The following PLXNA3 variants were observed in gnomAD, a reference collection of about 807,000 sequenced individuals.
PLXNA3 encodes plexin-A3.
A neutral mutation model predicts 118.8 loss-of-function variants in PLXNA3; 52 were observed. The observed-to-expected ratio is 0.44, with a 90% confidence interval of 0.35 to 0.55. The LOEUF (loss-of-function observed/expected upper bound fraction) is 0.55. PLXNA3 is among the 20% of genes least tolerant of loss of function. PLXNA3 has a pLI of 0.01. For missense variants in PLXNA3, 1,660 were observed against 1,730.8 expected (o/e 0.96, Z 0.73); for synonymous variants, 925 against 762.4 (o/e 1.21, Z -3.51).
rs200617248 is a variant in PLXNA3, at chrX:154,460,238, G to A, written c.55G>A (p.Gly19Ser). 177 of 1,208,510 alleles carry A rather than the reference G, an allele frequency of 1.5e-4. No individual in the cohort carries two copies. Among genetic ancestry groups the A allele is most frequent in the Non-Finnish European group, 1.9e-4 (168 of 894,320 alleles). ...LLFLAVGGALGNRPFRAFVVT... is the reference protein window; with the variant it reads ...LLFLAVGGALSNRPFRAFVVT... Reference sequence around the variant, plus strand: ...CTTCCTTGCCGTGGGGGGGGCCCTGGGCAACAGGCCCTTCCGTGCCTTCGT... The same window carrying A: ...CTTCCTTGCCGTGGGGGGGGCCCTGAGCAACAGGCCCTTCCGTGCCTTCGT... The change falls in exon 2 of 33, where the codon GGC becomes AGC. Residue 19 changes from glycine to serine, a missense_variant. Gly to Ser is a moderately conservative substitution (Grantham distance 56). Transcript: ENST00000369682.
At chrX:154,469,845 A>T in intron 28 of PLXNA3, 61 bp downstream of exon 28, 1 of 1,127,575 alleles carries the variant, frequency 8.9e-7, no homozygotes. Context: ...TCCAAGTGCC[A>T]TCGATTCTGT....
chrX:154,471,396 C>T (rs894818856), intron 31 of PLXNA3, 79 bp downstream of exon 31: 3 of 1,155,854 alleles, frequency 2.6e-6, no homozygotes, highest in Non-Finnish European at 3.5e-6. Context: ...AGGCCAGCTA[C>T]AGGCAGGAAG....
At chrX:154,459,398 C>T (rs2068897959) in intron 1 of PLXNA3, among the ~76,000 whole-genome samples, 1 of 111,906 alleles carries the variant, frequency 8.9e-6, no homozygotes, top group South Asian at 3.7e-4. Flanking sequence ...GGACATTGCT[C>T]CTCCTCTTGT....
chrX:154,467,223 TC>T lies in PLXNA3; in HGVS notation c.3202-5del. The T allele has an allele frequency of 8.3e-7, 1 of 1,210,406 alleles. No individual in the cohort carries two copies. Among genetic ancestry groups the T allele is most frequent in the Non-Finnish European group, 1.1e-6 (1 of 895,068 alleles). Reference sequence around the variant, plus strand: ...TCACGTGCCTGGCTGTCCACCTTTGTCCCCACAGACATGCCAAGTGATCAAC... The same window carrying T: ...TCACGTGCCTGGCTGTCCACCTTTGTCCCACAGACATGCCAAGTGATCAAC... On this transcript the variant is annotated splice_polypyrimidine_tract_variant and splice_region_variant and intron_variant, in intron 18 of 32. Transcript: ENST00000369682.
chrX:154,463,178 G>C (rs2069006582), intron 4 of PLXNA3, among the ~76,000 whole-genome samples: 1 of 110,877 alleles, frequency 9.0e-6, no homozygotes, highest in Non-Finnish European at 1.9e-5. Flanking sequence ...CCCTGACCTT[G>C]GGCAACACGA....
chrX:154,470,630 C>A lies in PLXNA3; in HGVS notation c.5156+19C>A, dbSNP rs781907709. 1 of 1,196,472 alleles carries A rather than the reference C, an allele frequency of 8.4e-7. No homozygotes were observed. Among genetic ancestry groups the A allele is most frequent in the Admixed American group, 2.2e-5 (1 of 45,730 alleles). The stretch of plus-strand genomic sequence containing the variant: ...GCAACTGGTATCACCCCGTGCTGGG[C>A]TGCCAGCAGCCTGTCTGGAGACTGG... On this transcript the variant is annotated intron_variant, in intron 30 of 32. Coordinates refer to ENST00000369682, the MANE Select transcript of PLXNA3 (RefSeq NM_017514.5).
chrX:154,473,553 C>A lies in PLXNA3; in HGVS notation c.*868C>A, dbSNP rs1316815156. ...GAGGAATCTGGCCCTGTCTGACAGT[C>A]CCAGACCCCCCGTTCTCTCCTCTTT... On this transcript the variant is annotated 3_prime_UTR_variant, in exon 33 of 33. Transcript: ENST00000369682. 8.8e-6 allele frequency: 1 copy of A among 113,396 alleles called. No homozygotes were observed. Among genetic ancestry groups the A allele is most frequent in the Admixed American group, 9.3e-5 (1 of 10,755 alleles). 9.3% of individuals were successfully genotyped at this position (113,396 alleles called of 1,213,427 possible).
chrX:154,460,170 C>G lies in PLXNA3; in HGVS notation c.-14C>G, dbSNP rs376190456. On this transcript the variant is annotated 5_prime_UTR_variant, in exon 2 of 33. Transcript: ENST00000369682. ...GTCTCTCCCTAGGCCTGTCCCCAGG[C>G]GCGGCTGCCGGCCATGCCCTCTGTC... is the stretch of plus-strand genomic sequence containing the variant. 2.6e-5 allele frequency: 30 copies of G among 1,144,503 alleles called. No homozygotes were observed. Among genetic ancestry groups the G allele is most frequent in the African/African-American group, 3.6e-5 (2 of 56,246 alleles). 94.3% of individuals were successfully genotyped at this position (1,144,503 alleles called of 1,213,427 possible).
rs1557209929 is a variant in PLXNA3 at position 154,472,743 on chromosome X, G to A, written c.*58G>A. The A allele has an allele frequency of 1.1e-6, 1 of 912,403 alleles. No individual in the cohort carries two copies. The highest frequency in any genetic ancestry group is 1.6e-6 in the Non-Finnish European group (1 of 626,911). The allele number at this position is 912,403 out of a possible 1,213,427, so 75.2% of individuals were successfully genotyped here. A position where few individuals can be genotyped will look rare whatever the true frequency, so the allele number is the denominator to read the frequency against. Reference sequence around the variant, plus strand: ...GTCCTGTGCCGTCCTCCCATCCAGGGGAGTGGCTGGCTCAAGCCTGGGTCC... The same window carrying A: ...GTCCTGTGCCGTCCTCCCATCCAGGAGAGTGGCTGGCTCAAGCCTGGGTCC... On this transcript the variant is annotated 3_prime_UTR_variant, in exon 33 of 33. Coordinates refer to ENST00000369682, the MANE Select transcript of PLXNA3 (RefSeq NM_017514.5).
intron 4 of PLXNA3, among the ~76,000 whole-genome samples, chrX:154,462,943 G>T (rs898662260): frequency 9.0e-6 from 1 of 111,470 alleles, no homozygotes; most frequent in Non-Finnish European, 1.9e-5. Flanking sequence ...GGGGCGCAGG[G>T]AAGGGTTTGT....
chrX:154,461,455 C>T lies in PLXNA3; in HGVS notation c.951C>T (p.Leu317=). The T allele has an allele frequency of 2.5e-6, 3 of 1,211,772 alleles. No individual in the cohort carries two copies. The highest frequency in any genetic ancestry group is 3.4e-6 in the Non-Finnish European group (3 of 895,434). ...GCGTGCCGGCTGATGAGGACGTCCT[C>T]TTCACCATCTTCTCTCAGGGCCAGA... ...ALGVPADEDV[L]FTIFSQGQKN... is the part of the protein sequence containing the mutation. Residue 317 remains leucine, a synonymous_variant, in exon 3 of 33, where the codon CTC becomes CTT. Transcript: ENST00000369682.
At position 154,464,200 on chromosome X, in the gene PLXNA3, T is replaced by C; in HGVS notation, c.1715T>C (p.Val572Ala). 1 of 1,209,174 alleles carries C rather than the reference T, an allele frequency of 8.3e-7. No individual in the cohort carries two copies. Among genetic ancestry groups the C allele is most frequent in the South Asian group, 1.8e-5 (1 of 56,685 alleles). ...LHNVPDLSAG[V>A]SCAFEAAAEN... is the part of the protein sequence containing the mutation. ...AACGTGCCAGACCTCAGTGCGGGCG[T>C]GAGCTGCGCCTTCGAGGCGGCGGCG... The change falls in exon 8 of 33, where the codon GTG (valine) becomes GCG (alanine). Residue 572 changes from valine (V) to alanine (A), a missense_variant. Val to Ala is a moderately conservative substitution (Grantham distance 64). Coordinates refer to ENST00000369682, the MANE Select transcript of PLXNA3 (RefSeq NM_017514.5).
Position 154,469,031 on chromosome X carries a change from A to G in PLXNA3, c.4435-25A>G, listed in dbSNP as rs782813222. The G allele has an allele frequency of 1.2e-5, 15 of 1,209,300 alleles. No individual in the cohort carries two copies. In the African/African-American group the frequency reaches 2.6e-4, roughly 21 times the overall value. On this transcript the variant is annotated intron_variant, in intron 25 of 32. Transcript: ENST00000369682. Reference sequence around the variant, plus strand: ...CAGAGAGAGGCCTCGCCCCAGACTGACACTGGAGTCCGCTTTCCCCTCAGA... The same window carrying G: ...CAGAGAGAGGCCTCGCCCCAGACTGGCACTGGAGTCCGCTTTCCCCTCAGA...
Position 154,472,479 on chromosome X carries a change from C to T in PLXNA3, c.5521-111C>T, listed in dbSNP as rs992117819. 3.4e-5 allele frequency: 18 copies of T among 530,021 alleles called. 1 individual carries two copies. Among genetic ancestry groups the T allele is most frequent in the South Asian group, 7.8e-5 (3 of 38,363 alleles). 43.7% of individuals were successfully genotyped at this position (530,021 alleles called of 1,213,427 possible). On this transcript the variant is annotated intron_variant, in intron 32 of 32. Transcript: ENST00000369682. ...TTTGTACAGGGGCTGCGGGGGAGGA[C>T]GGAGGGATGAGGCGTGTGGGAGGGA... is the stretch of plus-strand genomic sequence containing the variant.
At chrX:154,462,492 C>T (rs887256191) in intron 4 of PLXNA3, among the ~76,000 whole-genome samples, 182 bp downstream of exon 4, 3 of 112,092 alleles carry the variant, frequency 2.7e-5, no homozygotes, top group African/African-American at 9.7e-5. Context: ...GCCCCTTGGC[C>T]GCCCACCCTC....
rs1557203664 is a variant in PLXNA3 at position 154,460,672 on chromosome X, C to G, written c.489C>G (p.Ser163Arg). Residue 163 changes from serine (S) to arginine (R), a missense_variant, in exon 2 of 33, where the codon AGC becomes AGG. By Grantham distance (110) the Ser-to-Arg change is moderately radical. Around this residue, in one of 2 missense-constraint regions of PLXNA3, gnomAD observed 791 missense variants for 652.1 expected, o/e 1.21. Coordinates refer to ENST00000369682, the MANE Select transcript of PLXNA3 (RefSeq NM_017514.5). ...TTGTGGAGCAGGGCCAGGGGCCCAG[C>G]AAGCTGTTTGTGGGCACTGCTGTCG... ...GVIVEQGQGP[S>R]KLFVGTAVDG... 5 of 1,164,713 alleles carry G rather than the reference C, an allele frequency of 4.3e-6. No individual in the cohort carries two copies. Among genetic ancestry groups the G allele is most frequent in the Non-Finnish European group, 1.1e-6 (1 of 873,524 alleles).
rs1557208370 is a variant in PLXNA3, at chrX:154,468,807, C to T, written c.4288-16C>T. ...GTCAGGCAGGCAGCCAGCTGTGCAC[C>T]TGTCCCTGGCTGCAGGAGTGTGCTG... On this transcript the variant is annotated splice_polypyrimidine_tract_variant and intron_variant, in intron 24 of 32. Coordinates refer to ENST00000369682, the MANE Select transcript of PLXNA3 (RefSeq NM_017514.5). 3.3e-6 allele frequency: 4 copies of T among 1,211,437 alleles called. No homozygotes were observed. Among genetic ancestry groups the T allele is most frequent in the East Asian group, 5.9e-5 (2 of 33,853 alleles).
intron 21 of PLXNA3, 27 bp downstream of exon 21, chrX:154,468,028 G>T: frequency 8.3e-7 from 1 of 1,199,557 alleles, no homozygotes; most frequent in African/African-American, 1.7e-5. Context: ...GGGATGTGGT[G>T]TGGAAGCTGG....
At chrX:154,458,737 A>G (rs2068883487) in intron 1 of PLXNA3, among the ~76,000 whole-genome samples, 1 of 107,384 alleles carries the variant, frequency 9.3e-6, no homozygotes, top group African/African-American at 3.4e-5. Context: ...CCGGACCAGC[A>G]GCACGGTGGG....
Sources: allele counts gnomAD v4.1 joint callset (sites outside exome capture counted in the v4.1 genomes callset), GRCh38; gene constraint gnomAD v4.1.1; regional missense constraint gnomAD v4.1.1; transcripts MANE v1.5; gene names NCBI Gene and HGNC (gene_info 2026-07-23, HGNC 2026-07-21).